The following ATP5PD variants were observed in gnomAD, a reference collection of about 807,000 sequenced individuals.
ATP5PD encodes the protein ATP synthase peripheral stalk subunit d, also known as ATP synthase peripheral stalk subunit d, mitochondrial.
ATP5PD carries 13 observed loss-of-function variants against 22.6 expected under a neutral mutation model. The ratio of observed to expected loss-of-function variants is 0.58; its 90% confidence interval spans 0.37 to 0.91. ATP5PD has a LOEUF of 0.91. Ranked by LOEUF, ATP5PD falls within the 40% of genes least tolerant of loss-of-function variation. The pLI is 0.00. For synonymous variants in ATP5PD, 51 were observed against 65.0 expected (o/e 0.79, Z 1.03); for missense variants, 165 against 188.0 (o/e 0.88, Z 0.72).
rs1367270668 is a variant in ATP5PD, at chr17:75,038,905, G to A, written c.*27C>T. ...TAATGTCCAGAATGTGTAATACAAG[G>A]GCCAGAGCTTCCTCCTGGACTCAAT... On this transcript the variant is annotated 3_prime_UTR_variant, in exon 6 of 6. Coordinates refer to ENST00000301587, the MANE Select transcript of ATP5PD (RefSeq NM_006356.3). 6.2e-7 allele frequency: 1 copy of A among 1,606,222 alleles called. No individual in the cohort carries two copies. The highest frequency in any genetic ancestry group is 1.3e-5 in the African/African-American group (1 of 74,304).
At chr17:75,040,261 A>C in intron 3 of ATP5PD, 98 bp from the exon 4 acceptor site, 2 of 1,425,996 alleles carry the variant, frequency 1.4e-6, no homozygotes, top group South Asian at 1.2e-5. Flanking sequence ...AAGGGCTGGA[A>C]GCTACGAATC....
At chr17:75,044,199 ATTTT>A (rs755560156) in intron 1 of ATP5PD, among the ~76,000 whole-genome samples, 1 of 94,692 alleles carries the variant, frequency 1.1e-5, no homozygotes. Context: ...TAATTTTTGT[ATTTT>A]TTTTTTTTTT....
intron 3 of ATP5PD, chr17:75,040,729 TACAAAAATTAGC>T (rs1244451733): frequency 6.6e-6 from 1 of 152,198 alleles, no homozygotes; most frequent in African/African-American, 2.4e-5. Flanking sequence ...CTACTAAAAA[TACAAAAATTAGC>T]TGTGCAAGGT....
At chr17:75,045,375 C>T (rs12950646) in intron 1 of ATP5PD, among the ~76,000 whole-genome samples, 1 of 152,092 alleles carries the variant, frequency 6.6e-6, no homozygotes, top group Non-Finnish European at 1.5e-5. Flanking sequence ...ACAGGGTTTT[C>T]AGATCAACCG....
At chr17:75,044,128 G>A (rs1217329330) in intron 1 of ATP5PD, among the ~76,000 whole-genome samples, 4 of 149,142 alleles carry the variant, frequency 2.7e-5, no homozygotes, top group Non-Finnish European at 5.9e-5. Flanking sequence ...AGGCTCAAGC[G>A]ATTCTCCTGC....
chr17:75,044,769 TAA>T (rs970246120), intron 1 of ATP5PD, among the ~76,000 whole-genome samples: 6 of 152,214 alleles, frequency 3.9e-5, no homozygotes, highest in Non-Finnish European at 8.8e-5. Context: ...GGTCAGATAT[TAA>T]AAGACTGCAA....
rs371625622 is a variant in ATP5PD, at chr17:75,040,153, A to G, written c.230T>C (p.Leu77Pro). Residue 77 changes from leucine (L) to proline (P), a missense_variant, in exon 4 of 6, where the codon CTG becomes CCG. Transcript: ENST00000301587. ...VDDFEKKFNALKVPVPEDKYT... is the reference protein window; with the variant it reads ...VDDFEKKFNAPKVPVPEDKYT... Reference sequence around the variant, plus strand: ...TTTATCCTCTGGCACGGGAACCTTCAGCGCATTAAACTACAAACACAAGGG... The same window carrying G: ...TTTATCCTCTGGCACGGGAACCTTCGGCGCATTAAACTACAAACACAAGGG... 1.9e-6 allele frequency: 3 copies of G among 1,611,496 alleles called. No individual in the cohort carries two copies. Among genetic ancestry groups the G allele is most frequent in the African/African-American group, 1.3e-5 (1 of 74,806 alleles).
intron 1 of ATP5PD, among the ~76,000 whole-genome samples, chr17:75,043,051 A>C (rs1324293504): frequency 1.3e-5 from 2 of 151,362 alleles, no homozygotes; most frequent in Admixed American, 6.6e-5. Context: ...GCAAAACCCC[A>C]TCTCTATTAA....
chr17:75,039,958 G>T, intron 4 of ATP5PD, 134 bp downstream of exon 4: 1 of 899,642 alleles, frequency 1.1e-6, no homozygotes, highest in Non-Finnish European at 1.7e-6. Context: ...CCATGTTGTT[G>T]CATTTATTGA....
chr17:75,042,864 C>A (rs1225783000), intron 1 of ATP5PD, among the ~76,000 whole-genome samples: 1 of 151,824 alleles, frequency 6.6e-6, no homozygotes, highest in Non-Finnish European at 1.5e-5. Context: ...CTGGGAGACA[C>A]AGCAAGACTC....
At chr17:75,046,660 C>A (rs1485116963) in intron 1 of ATP5PD, among the ~76,000 whole-genome samples, 1 of 152,248 alleles carries the variant, frequency 6.6e-6, no homozygotes, top group African/African-American at 2.4e-5. Flanking sequence ...TGGGAGCGGA[C>A]TGCACGAGAC....
intron 3 of ATP5PD, chr17:75,041,961 T>C (rs528642982): frequency 2.2e-6 from 1 of 457,728 alleles, no homozygotes; most frequent in African/African-American, 2.0e-5. Flanking sequence ...GAAAGCCCTC[T>C]GGCTCCCAGA....
chr17:75,046,657 G>A (rs1204871408), intron 1 of ATP5PD, among the ~76,000 whole-genome samples: 1 of 152,238 alleles, frequency 6.6e-6, no homozygotes, highest in Non-Finnish European at 1.5e-5. Flanking sequence ...CGCTGGGAGC[G>A]GACTGCACGA....
At position 75,042,781 on chromosome 17, in the gene ATP5PD, G is replaced by A; in HGVS notation, c.-9-122C>T. Reference sequence around the variant, plus strand: ...TCCTTTAAATCTTAGAAACATGCAAGTCTTCACAAGAATCACTTGAACCCA... The same window carrying A: ...TCCTTTAAATCTTAGAAACATGCAAATCTTCACAAGAATCACTTGAACCCA... On this transcript the variant is annotated intron_variant, in intron 1 of 5. Coordinates refer to ENST00000301587, the MANE Select transcript of ATP5PD (RefSeq NM_006356.3). 5 of 1,032,770 alleles carry A rather than the reference G, an allele frequency of 4.8e-6. No individual in the cohort carries two copies. The South Asian group carries it at 8.2e-5, about 17-fold the overall frequency. 64.0% of individuals were successfully genotyped at this position (1,032,770 alleles called of 1,614,324 possible).
chr17:75,043,170 G>C (rs1472416288), intron 1 of ATP5PD, among the ~76,000 whole-genome samples: 1 of 152,200 alleles, frequency 6.6e-6, no homozygotes, highest in African/African-American at 2.4e-5. Flanking sequence ...GTAATGAGCT[G>C]AGATGGCATC....
rs771652548 is a variant in ATP5PD at position 75,039,984 on chromosome 17, T to C, written c.291+108A>G. On this transcript the variant is annotated intron_variant, in intron 4 of 5. Transcript: ENST00000301587. The stretch of plus-strand genomic sequence containing the variant: ...CATTTATTGACAAGTCATTCCTTTA[T>C]ATGGCTGTTAACTCTTCCATTTAAT... 8 of 1,152,568 alleles carry C rather than the reference T, an allele frequency of 6.9e-6. 1 individual carries two copies. Among genetic ancestry groups the C allele is most frequent in the South Asian group, 5.5e-5 (4 of 72,500 alleles). 71.4% of individuals were successfully genotyped at this position (1,152,568 alleles called of 1,614,324 possible).
At chr17:75,042,330 C>T in intron 2 of ATP5PD, 53 bp from the exon 3 acceptor site, 2 of 1,580,794 alleles carry the variant, frequency 1.3e-6, no homozygotes, top group Non-Finnish European at 1.7e-6. Flanking sequence ...GTAGAAAATT[C>T]ACATGGTAAT....
In ATP5PD at chr17:75,038,955, G is replaced by A; in HGVS notation, c.463C>T (p.His155Tyr). The A allele has an allele frequency of 1.9e-6, 3 of 1,613,708 alleles. No individual in the cohort carries two copies. Among genetic ancestry groups the A allele is most frequent in the Non-Finnish European group, 2.5e-6 (3 of 1,179,852 alleles). Residue 155 changes from histidine to tyrosine, a missense_variant, in exon 6 of 6, where the codon CAC becomes TAC. By Grantham distance (83) the His-to-Tyr change is moderately conservative (BLOSUM62 2). Transcript: ENST00000301587. ...LDKKKYPYWPHQPIENL is the reference protein window; with the variant it reads ...LDKKKYPYWPYQPIENL ...TTTTATAAATTCTCAATTGGTTGGT[G>A]AGGCCAATAGGGATACTTTTTCTTG...
chr17:75,044,098 C>A (rs1165023386), intron 1 of ATP5PD, among the ~76,000 whole-genome samples: 1 of 149,902 alleles, frequency 6.7e-6, no homozygotes, highest in Non-Finnish European at 1.5e-5. Flanking sequence ...CATCTTGGCT[C>A]ACTGCAACCT....
Sources: allele counts gnomAD v4.1 joint callset (sites outside exome capture counted in the v4.1 genomes callset), GRCh38; gene constraint gnomAD v4.1.1; transcripts MANE v1.5; gene names NCBI Gene and HGNC (gene_info 2026-07-23, HGNC 2026-07-21).